MRPS23: variants seen among roughly 807,000 people sequenced by gnomAD.
The protein encoded by MRPS23 is small ribosomal subunit protein mS23.
A neutral mutation model predicts 19.8 loss-of-function variants in MRPS23; 14 were observed. The observed-to-expected ratio is 0.71, with a 90% CI of 0.47 to 1.11. The LOEUF (loss-of-function observed/expected upper bound fraction) is 1.11, where lower values mean the gene tolerates loss of function less well. Ranked by LOEUF, MRPS23 falls within the 50% of genes least tolerant of loss-of-function variation. The pLI is 0.00. For missense variants in MRPS23, 242 were observed against 236.7 expected, an observed-to-expected ratio of 1.02 and a Z score of -0.15; for synonymous variants, 113 against 89.7, an observed-to-expected ratio of 1.26 and a Z score of -1.47.
At chr17:57,843,000 C>A (rs941162458) in intron 2 of MRPS23, among the ~76,000 whole-genome samples, 1 of 149,786 alleles carries the variant, frequency 6.7e-6, no homozygotes, top group Non-Finnish European at 1.5e-5. Flanking sequence ...TTAGACCAGG[C>A]GTGCTGGCTG....
At chr17:57,846,428 C>T (rs903185636) in intron 2 of MRPS23, among the ~76,000 whole-genome samples, 2 of 152,148 alleles carry the variant, frequency 1.3e-5, no homozygotes, top group African/African-American at 4.8e-5. Context: ...CCCAACAGCT[C>T]ATTGAGAACG....
chr17:57,840,825 T>C lies in MRPS23; in HGVS notation c.420+101A>G, dbSNP rs1260475277. ...GCACTTTATAAAAGGTATTTCAGCA[T>C]CTGTGAATATTGGTATCTGCAGGGG... is the stretch of plus-strand genomic sequence containing the variant. On this transcript the variant is annotated intron_variant, in intron 4 of 4. Coordinates refer to ENST00000313608, the MANE Select transcript of MRPS23 (RefSeq NM_016070.4). 1.4e-5 allele frequency: 20 copies of C among 1,456,166 alleles called. No individual in the cohort carries two copies. The East Asian group carries it at 4.6e-4, about 33-fold the overall frequency. The allele number at this position is 1,456,166 out of a possible 1,614,324, so 90.2% of individuals were successfully genotyped here. A position where few individuals can be genotyped will look rare whatever the true frequency, so the allele number is the denominator to read the frequency against.
chr17:57,839,836 C>T lies in MRPS23; in HGVS notation c.520G>A (p.Asp174Asn). The part of the protein sequence containing the change: ...ENETQKEVPQ[D>N]QHLEAPADQS... ...TCTGCAGGTGCCTCCAAATGCTGGT[C>T]CTGTGGAACTTCTTTCTGAGTCTCG... is the stretch of plus-strand genomic sequence containing the variant. The change falls in exon 5 of 5, where the codon GAC becomes AAC. Residue 174 changes from aspartate to asparagine, a missense_variant. Coordinates refer to ENST00000313608, the MANE Select transcript of MRPS23 (RefSeq NM_016070.4). 6.2e-7 allele frequency: 1 copy of T among 1,614,182 alleles called. No individual in the cohort carries two copies. The highest frequency in any genetic ancestry group is 8.5e-7 in the Non-Finnish European group (1 of 1,180,030).
Position 57,841,184 on chromosome 17 carries a change from G to T in MRPS23, c.292C>A (p.Arg98=), listed in dbSNP as rs948939483. ...CCTAGGACTTATAAAATGGCTTACC[G>T]TTGACAGGTAGACTTGAAGTTTGGA... The part of the protein sequence containing the change: ...FNPNFKSTCQ[R]FVEKYTELQK... Residue 98 remains arginine, a splice_region_variant and synonymous_variant, in exon 3 of 5, where the codon CGG becomes AGG. Transcript: ENST00000313608. The T allele has an allele frequency of 1.2e-6, 2 of 1,614,104 alleles. No homozygotes were observed. Among genetic ancestry groups the T allele is most frequent in the Non-Finnish European group, 1.7e-6 (2 of 1,179,958 alleles).
In MRPS23 at chr17:57,838,173, C is replaced by G. The variant is rs1032182891; in HGVS notation, c.*1610G>C. On this transcript the variant is annotated 3_prime_UTR_variant, in exon 5 of 5. Transcript: ENST00000313608. ...GGCGTCATAGCATACACCTGTAATCCCAGCTACTTGGGAGGCTGAGGCAGA... is the reference window on the plus strand; with the variant it reads ...GGCGTCATAGCATACACCTGTAATCGCAGCTACTTGGGAGGCTGAGGCAGA... 4 of 150,342 alleles carry G rather than the reference C, an allele frequency of 2.7e-5. No homozygotes were observed. Among genetic ancestry groups the G allele is most frequent in the African/African-American group, 7.3e-5 (3 of 40,926 alleles). 9.3% of individuals were successfully genotyped at this position (150,342 alleles called of 1,614,324 possible). A position where few individuals can be genotyped will look rare whatever the true frequency, so the allele number is the denominator to read the frequency against.
In MRPS23 at chr17:57,848,516, A is replaced by C. The variant is rs183721717; in HGVS notation, c.215+724T>G. On this transcript the variant is annotated intron_variant, in intron 2 of 4. Coordinates refer to ENST00000313608, the MANE Select transcript of MRPS23 (RefSeq NM_016070.4). ...CAGCCTTCCGAGTAGCTGGGACTAC[A>C]AGCACCCACCACCATGCCCGGCTAA... Among the ~76,000 whole-genome samples, 450 of 151,880 alleles carry C rather than the reference A, an allele frequency of 3.0e-3. 1 individual carries two copies. Among genetic ancestry groups the C allele is most frequent in the Admixed American group, 6.8e-3 (104 of 15,226 alleles).
intron 2 of MRPS23, 193 bp downstream of exon 2, chr17:57,849,047 G>C: frequency 1.5e-6 from 1 of 656,178 alleles, no homozygotes; most frequent in Non-Finnish European, 2.5e-6. Context: ...CGGTTGCTGG[G>C]CTCCAGATTC....
At chr17:57,843,660 A>G (rs896773719) in intron 2 of MRPS23, among the ~76,000 whole-genome samples, 1 of 152,078 alleles carries the variant, frequency 6.6e-6, no homozygotes, top group African/African-American at 2.4e-5. Flanking sequence ...GCTCCCCTCA[A>G]TGTGAGGAAT....
Position 57,836,850 on chromosome 17 carries a change from T to G in MRPS23, c.*2933A>C, listed in dbSNP as rs1360835174. On this transcript the variant is annotated 3_prime_UTR_variant, in exon 5 of 5. Transcript: ENST00000313608. The stretch of plus-strand genomic sequence containing the variant: ...CGCCCGCACGCCCAGCTAATTTTTT[T>G]GTATTTTTAGTAAAGATGGGGTTTC... 2.0e-5 allele frequency: 3 copies of G among 152,144 alleles called. No individual in the cohort carries two copies. Among genetic ancestry groups the G allele is most frequent in the Admixed American group, 6.5e-5 (1 of 15,272 alleles). The allele number at this position is 152,144 out of a possible 1,614,324, so 9.4% of individuals were successfully genotyped here.
At position 57,838,782 on chromosome 17, in the gene MRPS23, C is replaced by T. The variant is rs1486868378; in HGVS notation, c.*1001G>A. 2 of 152,224 alleles carry T rather than the reference C, an allele frequency of 1.3e-5. No homozygotes were observed. The highest frequency in any genetic ancestry group is 4.8e-5 in the African/African-American group (2 of 41,456). 9.4% of individuals were successfully genotyped at this position (152,224 alleles called of 1,614,324 possible). On this transcript the variant is annotated 3_prime_UTR_variant, in exon 5 of 5. Transcript: ENST00000313608. ...GACTGTGAGATGTGGACCTGCCTCA[C>T]AGTGTACCAGGAGAGATGAGAGCAT...
In MRPS23 at chr17:57,841,056, T is replaced by C; in HGVS notation, c.294-4A>G. 1 of 1,613,782 alleles carries C rather than the reference T, an allele frequency of 6.2e-7. No homozygotes were observed. The highest frequency in any genetic ancestry group is 1.1e-5 in the South Asian group (1 of 90,984). On this transcript the variant is annotated splice_polypyrimidine_tract_variant and splice_region_variant and intron_variant, in intron 3 of 4. Transcript: ENST00000313608. Reference sequence around the variant, plus strand: ...CTCAGTGTACTTCTCCACAAACCTGTAATTCCAAGCAGTCACATTTTAGGT... The same window carrying C: ...CTCAGTGTACTTCTCCACAAACCTGCAATTCCAAGCAGTCACATTTTAGGT...
rs938708375 is a variant in MRPS23 at position 57,834,864 on chromosome 17, T to G, written c.*4919A>C. 6.6e-6 allele frequency: 1 copy of G among 152,240 alleles called. No individual in the cohort carries two copies. The highest frequency in any genetic ancestry group is 2.4e-5 in the African/African-American group (1 of 41,474). The allele number at this position is 152,240 out of a possible 1,614,324, so 9.4% of individuals were successfully genotyped here. A position where few individuals can be genotyped will look rare whatever the true frequency, so the allele number is the denominator to read the frequency against. ...GGAGTCCTTCGGGGGCAGATTATTC[T>G]GTAATACCACTTTCATTATCAGAGA... On this transcript the variant is annotated 3_prime_UTR_variant, in exon 5 of 5. Transcript: ENST00000313608.
intron 2 of MRPS23, among the ~76,000 whole-genome samples, chr17:57,847,999 G>GAA (rs55882302): frequency 4.7e-5 from 7 of 150,300 alleles, no homozygotes; most frequent in Non-Finnish European, 5.9e-5. Context: ...GCCTGGCCCA[G>GAA]AAAAAAAAAA....
At chr17:57,848,446 C>A (rs2073790507) in intron 2 of MRPS23, among the ~76,000 whole-genome samples, 1 of 151,572 alleles carries the variant, frequency 6.6e-6, no homozygotes. Context: ...GGGATCTCGG[C>A]TCACTGCAAC....
At position 57,849,972 on chromosome 17, in the gene MRPS23, G is replaced by A. The variant is rs897341821; in HGVS notation, c.39C>T (p.Phe13=). The change falls in exon 1 of 5, where the codon TTC becomes TTT. Residue 13 remains phenylalanine, a synonymous_variant. Transcript: ENST00000313608. ...GSRLETVGSI[F]SRTRDLVRAG... is the part of the protein sequence containing the mutation. The stretch of plus-strand genomic sequence containing the variant: ...CCACGGCTGGGAGCACACACCGAGA[G>A]AAGATGCTCCCTACGGTTTCCAGCC... 8 of 1,589,880 alleles carry A rather than the reference G, an allele frequency of 5.0e-6. No individual in the cohort carries two copies. In the African/African-American group the frequency reaches 8.1e-5, roughly 16 times the overall value.
intron 1 of MRPS23, 134 bp from the exon 2 acceptor site, chr17:57,849,544 C>T: frequency 5.7e-6 from 6 of 1,047,664 alleles, no homozygotes; most frequent in Non-Finnish European, 8.1e-6. Context: ...CTGCTCCCCA[C>T]CTACAGAGAA....
In MRPS23 at chr17:57,842,165, C is replaced by A. The variant is rs547117466; in HGVS notation, c.216-905G>T. On this transcript the variant is annotated intron_variant, in intron 2 of 4. Coordinates refer to ENST00000313608, the MANE Select transcript of MRPS23 (RefSeq NM_016070.4). Reference sequence around the variant, plus strand: ...TAGCTGGAACTACAGGTTCGCAGCACCACCATGCCTGGCTAAGTTTTAAAT... The same window carrying A: ...TAGCTGGAACTACAGGTTCGCAGCAACACCATGCCTGGCTAAGTTTTAAAT... Among the ~76,000 whole-genome samples the A allele has an allele frequency of 2.0e-5, 3 of 152,228 alleles. No individual in the cohort carries two copies. The East Asian group carries it at 5.8e-4, about 29-fold the overall frequency.
rs2144872653 is a variant in MRPS23, at chr17:57,839,840, T to G, written c.516A>C (p.Pro172=). 1.2e-6 allele frequency: 2 copies of G among 1,614,228 alleles called. No individual in the cohort carries two copies. Among genetic ancestry groups the G allele is most frequent in the East Asian group, 2.2e-5 (1 of 44,886 alleles). ...CAGGTGCCTCCAAATGCTGGTCCTG[T>G]GGAACTTCTTTCTGAGTCTCGTTTT... ...LEENETQKEV[P]QDQHLEAPAD... The change falls in exon 5 of 5, where the codon CCA becomes CCC. Residue 172 remains proline (P), a synonymous_variant. Coordinates refer to ENST00000313608, the MANE Select transcript of MRPS23 (RefSeq NM_016070.4).
chr17:57,839,417 T>C lies in MRPS23; in HGVS notation c.*366A>G, dbSNP rs1018908340. ...TAAGTCTGATGGATCAGAAGAAATA[T>C]GTACCCGGGAATCAGATGTAGCCAG... is the stretch of plus-strand genomic sequence containing the variant. On this transcript the variant is annotated 3_prime_UTR_variant, in exon 5 of 5. Coordinates refer to ENST00000313608, the MANE Select transcript of MRPS23 (RefSeq NM_016070.4). 2 of 163,454 alleles carry C rather than the reference T, an allele frequency of 1.2e-5. No homozygotes were observed. The highest frequency in any genetic ancestry group is 1.7e-4 in the East Asian group (1 of 5,944). 10.1% of individuals were successfully genotyped at this position (163,454 alleles called of 1,614,324 possible).
Sources: gnomAD v4.1 joint callset for allele counts (sites outside exome capture counted in the v4.1 genomes callset) on GRCh38, gnomAD v4.1.1 for gene constraint, MANE v1.5 for transcripts, NCBI Gene and HGNC (gene_info 2026-07-23, HGNC 2026-07-21) for gene names.